Variants in KIAA1217 observed in about 807,000 individuals in gnomAD.
The protein encoded by KIAA1217 is sickle tail protein homolog.
A neutral mutation model predicts 163.9 loss-of-function variants in KIAA1217; 88 were observed. The ratio of observed to expected loss-of-function variants is 0.54; its 90% CI spans 0.45 to 0.64. The LOEUF (loss-of-function observed/expected upper bound fraction) is 0.64, where lower values mean the gene tolerates loss of function less well. KIAA1217 is among the 30% of genes least tolerant of loss of function. The probability of loss-of-function intolerance (pLI) is 0.00; values close to 1 mark genes in which losing one functional copy is unlikely to be tolerated. For missense variants in KIAA1217, 2,372 were observed against 2,475.0 expected (o/e 0.96, Z 0.88); for synonymous variants, 903 against 923.1 (o/e 0.98, Z 0.39).
intron 1 of KIAA1217, among the ~76,000 whole-genome samples, chr10:23,721,732 G>A (rs1223978425): frequency 2.6e-5 from 4 of 151,790 alleles, no homozygotes; most frequent in Admixed American, 6.6e-5. Context: ...TGTCTTCTAA[G>A]ACAATGAAAT....
At chr10:24,538,103 G>T (rs981668567) in intron 17 of KIAA1217, among the ~76,000 whole-genome samples, 3 of 152,320 alleles carry the variant, frequency 2.0e-5, no homozygotes. Context: ...AGCTACTACA[G>T]ATGGGTACCT....
intron 1 of KIAA1217, among the ~76,000 whole-genome samples, chr10:23,788,893 C>T (rs1835612483): frequency 6.6e-6 from 1 of 152,160 alleles, no homozygotes; most frequent in South Asian, 2.1e-4. Flanking sequence ...TACCAATGTC[C>T]TTTTAATTGA....
chr10:24,382,839 CTTTTCTTTTT>C (rs1370035596), intron 3 of KIAA1217, among the ~76,000 whole-genome samples: 45 of 112,282 alleles, frequency 4.0e-4, no homozygotes, highest in African/African-American at 1.1e-3. Context: ...TGTGGTTTTT[CTTTTCTTTTT>C]TTTTTTTTTT....
intron 1 of KIAA1217, among the ~76,000 whole-genome samples, chr10:23,876,998 C>T (rs554115586): frequency 6.6e-6 from 1 of 152,008 alleles, no homozygotes; most frequent in African/African-American, 2.4e-5. Context: ...CTTGACACCG[C>T]CAACTTCTTT....
intron 2 of KIAA1217, among the ~76,000 whole-genome samples, chr10:24,266,860 C>G (rs2131854469): frequency 6.6e-6 from 1 of 152,308 alleles, no homozygotes; most frequent in South Asian, 2.1e-4. Context: ...AAGCTTTGTC[C>G]TTTGCTTTTC....
At chr10:24,244,564 T>C (rs2073531469) in intron 2 of KIAA1217, among the ~76,000 whole-genome samples, 1 of 140,810 alleles carries the variant, frequency 7.1e-6, no homozygotes, top group Admixed American at 7.1e-5. Context: ...TTTCTTTCTT[T>C]TTTTTTTTTT....
chr10:24,491,921 G>A (rs962567678), intron 6 of KIAA1217, among the ~76,000 whole-genome samples: 1 of 151,658 alleles, frequency 6.6e-6, no homozygotes, highest in Non-Finnish European at 1.5e-5. Context: ...CTCTAAAAAT[G>A]CCACGTTACC....
chr10:24,000,517 A>G (rs1272810375), intron 1 of KIAA1217, among the ~76,000 whole-genome samples: 1 of 152,190 alleles, frequency 6.6e-6, no homozygotes, highest in Non-Finnish European at 1.5e-5. Context: ...TCCTTTATAA[A>G]TTACCCAGTC....
At chr10:24,426,459 T>TA (rs1479169881) in intron 3 of KIAA1217, among the ~76,000 whole-genome samples, 20 of 151,950 alleles carry the variant, frequency 1.3e-4, no homozygotes. Context: ...CCGTCTCTAC[T>TA]AAAAAAATAC....
chr10:24,452,717 A>G (rs1437811848), intron 5 of KIAA1217, among the ~76,000 whole-genome samples: 2 of 151,404 alleles, frequency 1.3e-5, no homozygotes, highest in African/African-American at 4.8e-5. Flanking sequence ...AATGAGACCT[A>G]GTATTTGCTA....
chr10:23,914,815 A>C (rs937222252), intron 1 of KIAA1217, among the ~76,000 whole-genome samples: 2 of 152,140 alleles, frequency 1.3e-5, no homozygotes, highest in Non-Finnish European at 2.9e-5. Flanking sequence ...GAAGGAAATC[A>C]CTGCTGGGCA....
chr10:24,236,339 C>T (rs561645330), intron 2 of KIAA1217, among the ~76,000 whole-genome samples: 1 of 152,232 alleles, frequency 6.6e-6, no homozygotes, highest in South Asian at 2.1e-4. Context: ...GAATCTCCGC[C>T]TCCCAGATTC....
In KIAA1217 at chr10:24,236,648, T is replaced by G. The variant is rs540178784; in HGVS notation, c.354+16739T>G. Among the ~76,000 whole-genome samples, 74 of 144,580 alleles carry G rather than the reference T, an allele frequency of 5.1e-4. 1 individual carries two copies. Among genetic ancestry groups the G allele is most frequent in the African/African-American group, 1.8e-3 (72 of 39,110 alleles). The allele number at this position is 144,580 out of a possible 152,430, so 94.9% of individuals were successfully genotyped here. A position where few individuals can be genotyped will look rare whatever the true frequency, so the allele number is the denominator to read the frequency against. ...CTTTGTGAGCTTTTTCAGTGAGGAG[T>G]TTTTTTTTTTGTTTTTTTTTTGAGG... On this transcript the variant is annotated intron_variant, in intron 2 of 20. Coordinates refer to ENST00000376454, the MANE Select transcript of KIAA1217 (RefSeq NM_019590.5).
intron 1 of KIAA1217, among the ~76,000 whole-genome samples, chr10:23,868,230 T>A (rs1482491251): frequency 6.6e-6 from 1 of 152,092 alleles, no homozygotes; most frequent in Non-Finnish European, 1.5e-5. Flanking sequence ...ACAAAATAAC[T>A]CCTGGGTACA....
chr10:23,862,056 A>T (rs7073960), intron 1 of KIAA1217, among the ~76,000 whole-genome samples: 1 of 152,040 alleles, frequency 6.6e-6, no homozygotes, highest in Non-Finnish European at 1.5e-5. Context: ...AAGATGAAAC[A>T]TCTTCATTGA....
At chr10:24,135,180 T>C (rs1439118228) in intron 2 of KIAA1217, among the ~76,000 whole-genome samples, 1 of 152,138 alleles carries the variant, frequency 6.6e-6, no homozygotes, top group Non-Finnish European at 1.5e-5. Flanking sequence ...CCCTTCTCTT[T>C]CCTCCAAGAG....
intron 2 of KIAA1217, among the ~76,000 whole-genome samples, chr10:24,139,011 G>A (rs918710876): frequency 6.6e-6 from 1 of 152,022 alleles, no homozygotes; most frequent in Non-Finnish European, 1.5e-5. Flanking sequence ...TCTTAAAATT[G>A]ATGTGATCAC....
At chr10:24,117,645 A>T (rs2063112682) in intron 2 of KIAA1217, among the ~76,000 whole-genome samples, 1 of 152,132 alleles carries the variant, frequency 6.6e-6, no homozygotes, top group Admixed American at 6.5e-5. Context: ...AAAAATAAAA[A>T]TTAAAAAAGT....
chr10:23,818,696 G>A (rs955157636), intron 1 of KIAA1217, among the ~76,000 whole-genome samples: 20 of 152,174 alleles, frequency 1.3e-4, no homozygotes, highest in African/African-American at 4.6e-4. Flanking sequence ...CAGCAGGGGA[G>A]CATGAAGGGC....
Sources: allele counts gnomAD v4.1 joint callset (sites outside exome capture counted in the v4.1 genomes callset), GRCh38; gene constraint gnomAD v4.1.1; transcripts MANE v1.5; gene names NCBI Gene and HGNC (gene_info 2026-07-23, HGNC 2026-07-21).